The following RAB38 variants were observed in gnomAD, a reference collection of about 807,000 sequenced individuals.
The protein encoded by RAB38 is RAB38, member RAS oncogene family, also known as ras-related protein Rab-38.
RAB38 carries 15 observed loss-of-function variants against 18.4 expected under a neutral mutation model. The observed-to-expected ratio is 0.82, with a 90% CI of 0.55 to 1.26. RAB38 has a LOEUF of 1.26. Ranked by LOEUF, RAB38 falls within the 50% of genes most tolerant of loss-of-function variation. The probability of loss-of-function intolerance (pLI) is 0.00; values close to 1 mark genes in which losing one functional copy is unlikely to be tolerated. For missense variants in RAB38, 294 were observed against 267.4 expected (o/e 1.10, Z -0.69); for synonymous variants, 101 against 104.4 (o/e 0.97, Z 0.20).
the RAB38 span, among the ~76,000 whole-genome samples, chr11:87,846,933 G>A: frequency 7.0e-3 from 1,064 of 152,054 alleles, 12 homozygotes; most frequent in African/African-American, 0.024. Context: ...TAATTCATGG[G>A]TCAACGCCCA....
chr11:87,826,508 C>T, the RAB38 span, among the ~76,000 whole-genome samples: 7 of 151,748 alleles, frequency 4.6e-5, no homozygotes, highest in Non-Finnish European at 1.0e-4. Flanking sequence ...CAAAGAAATC[C>T]AAAGAAGAAA....
intron 2 of RAB38, among the ~76,000 whole-genome samples, chr11:88,149,064 G>A (rs1377565357): frequency 6.7e-6 from 1 of 148,370 alleles, no homozygotes; most frequent in Non-Finnish European, 1.5e-5. Flanking sequence ...ACACCATACA[G>A]GATCCTTCAT....
chr11:87,850,628 A>G, the RAB38 span, among the ~76,000 whole-genome samples: 2 of 151,770 alleles, frequency 1.3e-5, no homozygotes, highest in African/African-American at 4.8e-5. Flanking sequence ...CAATATCTAT[A>G]CCTTCTTCGT....
At chr11:87,838,478 C>T in the RAB38 span, among the ~76,000 whole-genome samples, 1 of 152,180 alleles carries the variant, frequency 6.6e-6, no homozygotes, top group African/African-American at 2.4e-5. Flanking sequence ...TAACAGAAAT[C>T]ATTCTTAACT....
the RAB38 span, among the ~76,000 whole-genome samples, chr11:88,040,577 T>A: frequency 6.6e-6 from 1 of 152,126 alleles, no homozygotes; most frequent in Non-Finnish European, 1.5e-5. Flanking sequence ...TGGTGGCTCA[T>A]GCCTGTAGTC....
the RAB38 span, among the ~76,000 whole-genome samples, chr11:88,020,976 A>C: frequency 2.0e-5 from 3 of 152,114 alleles, no homozygotes; most frequent in Non-Finnish European, 4.4e-5. Flanking sequence ...TTTATAGTGA[A>C]AAGTGCCTAC....
chr11:87,849,552 G>T, the RAB38 span, among the ~76,000 whole-genome samples: 26 of 152,194 alleles, frequency 1.7e-4, no homozygotes, highest in African/African-American at 6.0e-4. Context: ...TTCAGCATCA[G>T]TCACACCCTC....
chr11:87,928,024 G>A, the RAB38 span, among the ~76,000 whole-genome samples: 1 of 151,964 alleles, frequency 6.6e-6, no homozygotes, highest in African/African-American at 2.4e-5. Context: ...GCTGCAGTGA[G>A]CTATGATTGT....
At chr11:87,811,221 A>G in the RAB38 span, among the ~76,000 whole-genome samples, 1 of 152,130 alleles carries the variant, frequency 6.6e-6, no homozygotes, top group African/African-American at 2.4e-5. Flanking sequence ...CCTGGAAGTC[A>G]CACTTCACCA....
At chr11:87,819,623 C>T in the RAB38 span, among the ~76,000 whole-genome samples, 525 of 150,784 alleles carry the variant, frequency 3.5e-3, 3 homozygotes, top group African/African-American at 0.012. Context: ...GAACTTTTGT[C>T]TCTCAGTTAA....
the RAB38 span, among the ~76,000 whole-genome samples, chr11:87,947,617 T>G: frequency 1.3e-5 from 2 of 152,164 alleles, no homozygotes; most frequent in African/African-American, 2.4e-5. Flanking sequence ...GGCTAGCCAG[T>G]TTTCCCAGCA....
chr11:88,011,662 GC>G, the RAB38 span, among the ~76,000 whole-genome samples: 1 of 152,124 alleles, frequency 6.6e-6, no homozygotes, highest in South Asian at 2.1e-4. Flanking sequence ...TACCATCTTG[GC>G]CTGCACATAT....
chr11:87,905,555 T>G, the RAB38 span, among the ~76,000 whole-genome samples: 1 of 151,950 alleles, frequency 6.6e-6, no homozygotes, highest in Non-Finnish European at 1.5e-5. Flanking sequence ...GTCATTACAT[T>G]TGGACTAGAG....
At chr11:88,014,265 T>A in the RAB38 span, among the ~76,000 whole-genome samples, 20 of 152,052 alleles carry the variant, frequency 1.3e-4, 1 homozygote, top group Non-Finnish European at 4.4e-5. Context: ...GTTGAAAAAA[T>A]TTCTGCAAAT....
At chr11:88,015,010 T>A in the RAB38 span, among the ~76,000 whole-genome samples, 2 of 151,550 alleles carry the variant, frequency 1.3e-5, no homozygotes, top group Admixed American at 1.3e-4. Flanking sequence ...CAATAATAGA[T>A]CGACCTTAAA....
chr11:88,114,129 G>A lies in RAB38; in HGVS notation c.495C>T (p.Asn165=). The change falls in exon 3 of 3, where the codon AAC becomes AAT. Residue 165 remains asparagine (N), a synonymous_variant. Transcript: ENST00000243662. The part of the protein sequence containing the change: ...WFETSAKENI[N]IDEASRCLVK... ...CCAGGCATCTGGAGGCTTCATCAATGTTTATATTTTCCTATGAGGGAAAAA... is the reference window on the plus strand; with the variant it reads ...CCAGGCATCTGGAGGCTTCATCAATATTTATATTTTCCTATGAGGGAAAAA... The A allele has an allele frequency of 1.2e-6, 2 of 1,614,008 alleles. No homozygotes were observed. Among genetic ancestry groups the A allele is most frequent in the Non-Finnish European group, 1.7e-6 (2 of 1,179,946 alleles).
At chr11:87,849,490 G>A in the RAB38 span, among the ~76,000 whole-genome samples, 15 of 152,094 alleles carry the variant, frequency 9.9e-5, no homozygotes, top group Non-Finnish European at 1.9e-4. Flanking sequence ...AGACAGAACT[G>A]TTCCCTCAGG....
chr11:88,149,752 G>A lies in RAB38; in HGVS notation c.406C>T (p.Leu136Phe). The change falls in exon 2 of 3, where the codon CTC (leucine) becomes TTC (phenylalanine). Residue 136 changes from leucine to phenylalanine, a missense_variant. Physicochemically the swap from Leu to Phe is conservative, Grantham distance 22. Coordinates refer to ENST00000243662, the MANE Select transcript of RAB38 (RefSeq NM_022337.3). ...ANKCDQGKDVLMNNGLKMDQF... is the reference protein window; with the variant it reads ...ANKCDQGKDVFMNNGLKMDQF... ...TCCATCTTGAGGCCATTGTTCATGA[G>A]CACATCCTTCCCCTGGTCACATTTG... 1 of 1,614,136 alleles carries A rather than the reference G, an allele frequency of 6.2e-7. No homozygotes were observed. The highest frequency in any genetic ancestry group is 1.1e-5 in the South Asian group (1 of 91,082).
chr11:88,151,913 C>G lies in RAB38; in HGVS notation c.203-1958G>C, dbSNP rs576958870. Among the ~76,000 whole-genome samples the G allele has an allele frequency of 7.2e-5, 11 of 152,258 alleles. No homozygotes were observed. The South Asian group carries it at 1.9e-3, about 26-fold the overall frequency. On this transcript the variant is annotated intron_variant, in intron 1 of 2. Transcript: ENST00000243662. ...GTATTTTGTCACAGCCAGCACATGACAATCTTACAGTATTTCTTACGTGGG... is the reference window on the plus strand; with the variant it reads ...GTATTTTGTCACAGCCAGCACATGAGAATCTTACAGTATTTCTTACGTGGG...
Sources: allele counts gnomAD v4.1 joint callset (sites outside exome capture counted in the v4.1 genomes callset), GRCh38; gene constraint gnomAD v4.1.1; transcripts MANE v1.5; gene names NCBI Gene and HGNC (gene_info 2026-07-23, HGNC 2026-07-21).